Variants in TLN2 observed in about 807,000 individuals in gnomAD.
TLN2 encodes talin 2.
Under a neutral mutation model 294.7 loss-of-function variants are expected in TLN2, and 118 were observed. That is an observed-to-expected ratio of 0.40 (90% CI 0.34 to 0.47). TLN2 has a LOEUF of 0.47. TLN2 is among the 20% of genes least tolerant of loss of function. The pLI, the probability that TLN2 is intolerant of heterozygous loss-of-function variation, is 0.84. For synonymous variants in TLN2, 1,431 were observed against 1,304.5 expected, an observed-to-expected ratio of 1.10 and a Z score of -2.09; for missense variants, 3,083 against 3,282.2, an observed-to-expected ratio of 0.94 and a Z score of 1.48.
chr15:62,674,471 G>A (rs190380616), intron 10 of TLN2, among the ~76,000 whole-genome samples: 1 of 151,352 alleles, frequency 6.6e-6, no homozygotes. Context: ...GAGTACTATC[G>A]TGCACAGGCG....
At chr15:62,522,978 A>ACACT (rs68133247) in intron 1 of TLN2, among the ~76,000 whole-genome samples, 171 of 109,206 alleles carry the variant, frequency 1.6e-3, no homozygotes, top group South Asian at 3.1e-3. Context: ...ACACACACAC[A>ACACT]CTCTCTCACT....
rs749958056 is a variant in TLN2 at position 62,766,344 on chromosome 15, G to C, written c.5118G>C (p.Ser1706=). The change falls in exon 41 of 59, where the codon TCG becomes TCC. Residue 1706 remains serine (S), a synonymous_variant. Coordinates refer to ENST00000636159, the MANE Select transcript of TLN2 (RefSeq NM_015059.3). The part of the protein sequence containing the change: ...SVEALQEQLT[S]VVQEIGHLID... ...AGGCCCTGCAGGAGCAGCTGACTTC[G>C]GTGGTCCAGGAAATCGGACACCTTA... The C allele has an allele frequency of 1.9e-6, 3 of 1,613,078 alleles. No homozygotes were observed. The highest frequency in any genetic ancestry group is 2.2e-5 in the South Asian group (2 of 91,026).
At chr15:62,686,130 C>T (rs1473292326) in intron 11 of TLN2, among the ~76,000 whole-genome samples, 1 of 151,842 alleles carries the variant, frequency 6.6e-6, no homozygotes, top group African/African-American at 2.4e-5. Context: ...AGTAGATATA[C>T]AAAATTCCAA....
chr15:62,751,124 G>T (rs185956891), intron 34 of TLN2, among the ~76,000 whole-genome samples: 4 of 151,874 alleles, frequency 2.6e-5, no homozygotes, highest in Non-Finnish European at 4.4e-5. Context: ...AACATAAAAG[G>T]CTCCTTAGTG....
At chr15:62,641,983 C>T (rs1404206675) in intron 3 of TLN2, among the ~76,000 whole-genome samples, 2 of 152,236 alleles carry the variant, frequency 1.3e-5, no homozygotes, top group Non-Finnish European at 2.9e-5. Context: ...CTGCTGCCAT[C>T]ATCCTGGGCT....
chr15:62,525,826 G>A (rs8038229), intron 1 of TLN2, among the ~76,000 whole-genome samples: 53,490 of 152,016 alleles, frequency 0.35, 9,748 homozygotes, highest in East Asian at 0.57. Flanking sequence ...TTCTAGCTCA[G>A]GCCTCCTTAG....
At chr15:62,412,207 C>T (rs1283368999) in intron 1 of TLN2, among the ~76,000 whole-genome samples, 1 of 152,122 alleles carries the variant, frequency 6.6e-6, no homozygotes, top group Non-Finnish European at 1.5e-5. Flanking sequence ...TTAATCAGAT[C>T]CCGAGGTGAA....
At chr15:62,653,516 A>G (rs1055799063) in intron 7 of TLN2, among the ~76,000 whole-genome samples, 5 of 152,272 alleles carry the variant, frequency 3.3e-5, no homozygotes, top group Non-Finnish European at 5.9e-5. Context: ...ACCTGAGGTC[A>G]GGTTTGAGAC....
chr15:62,575,493 G>A (rs919310159), intron 1 of TLN2, among the ~76,000 whole-genome samples: 1 of 152,104 alleles, frequency 6.6e-6, no homozygotes, highest in Non-Finnish European at 1.5e-5. Flanking sequence ...CTCAATTTCT[G>A]TACTTACTGT....
chr15:62,544,682 C>G (rs1464459708), intron 1 of TLN2, among the ~76,000 whole-genome samples: 1 of 151,584 alleles, frequency 6.6e-6, no homozygotes, highest in East Asian at 1.9e-4. Context: ...ATCATCTACC[C>G]TTTTAAGAGA....
At chr15:62,759,942 A>T (rs1262465092) in intron 37 of TLN2, among the ~76,000 whole-genome samples, 2 of 152,222 alleles carry the variant, frequency 1.3e-5, no homozygotes, top group South Asian at 2.1e-4. Context: ...ACCTCCAGGG[A>T]TCTACCAAAC....
At chr15:62,483,608 G>A (rs1460963194) in intron 1 of TLN2, among the ~76,000 whole-genome samples, 1 of 152,058 alleles carries the variant, frequency 6.6e-6, no homozygotes. Flanking sequence ...CCTTCCTCTG[G>A]AATTGCTCTC....
chr15:62,620,697 G>C (rs1372669295), intron 3 of TLN2, among the ~76,000 whole-genome samples: 1 of 151,644 alleles, frequency 6.6e-6, no homozygotes, highest in Admixed American at 6.6e-5. Context: ...GCCCAGGTTG[G>C]TCTCAAACTC....
chr15:62,475,107 A>G (rs1047713359), intron 1 of TLN2, among the ~76,000 whole-genome samples: 3 of 152,210 alleles, frequency 2.0e-5, no homozygotes. Context: ...AGAATCGTTT[A>G]ACGATTTGTC....
chr15:62,757,945 T>C (rs1038128992), intron 37 of TLN2, among the ~76,000 whole-genome samples: 17 of 152,352 alleles, frequency 1.1e-4, no homozygotes, highest in Non-Finnish European at 2.2e-4. Context: ...CACATGGTAC[T>C]ATATACTGAA....
chr15:62,502,184 G>A (rs980521065), intron 1 of TLN2, among the ~76,000 whole-genome samples: 1 of 152,188 alleles, frequency 6.6e-6, no homozygotes, highest in East Asian at 1.9e-4. Context: ...TATTCTCCTT[G>A]ACATGCTGCT....
At chr15:62,602,056 C>T (rs1440407346) in intron 2 of TLN2, among the ~76,000 whole-genome samples, 1 of 152,124 alleles carries the variant, frequency 6.6e-6, no homozygotes, top group Non-Finnish European at 1.5e-5. Flanking sequence ...GCCCTGGTTT[C>T]CTTGAGTATT....
intron 38 of TLN2, among the ~76,000 whole-genome samples, 163 bp from the exon 39 acceptor site, chr15:62,762,108 CG>C (rs1251965022): frequency 6.6e-6 from 1 of 152,206 alleles, no homozygotes; most frequent in Non-Finnish European, 1.5e-5. Flanking sequence ...CTTGAGTCCC[CG>C]CCATGCAGAC....
At chr15:62,775,045 C>T (rs1414216157) in intron 42 of TLN2, among the ~76,000 whole-genome samples, 3 of 151,230 alleles carry the variant, frequency 2.0e-5, no homozygotes, top group African/African-American at 7.3e-5. Flanking sequence ...CAAGCTCCAC[C>T]TCCCGGGTTC....
Sources: gnomAD v4.1 joint callset for allele counts (sites outside exome capture counted in the v4.1 genomes callset) on GRCh38, gnomAD v4.1.1 for gene constraint, MANE v1.5 for transcripts, NCBI Gene and HGNC (gene_info 2026-07-23, HGNC 2026-07-21) for gene names.